The following CNTNAP5 variants were observed in gnomAD, a reference collection of about 807,000 sequenced individuals.
The protein encoded by CNTNAP5 is contactin associated protein family member 5.
CNTNAP5 carries 72 observed loss-of-function variants against 150.2 expected under a neutral mutation model. The observed-to-expected ratio is 0.48, with a 90% CI of 0.40 to 0.58. The LOEUF (loss-of-function observed/expected upper bound fraction) is 0.58, where lower values mean the gene tolerates loss of function less well. Ranked by LOEUF, CNTNAP5 falls within the 20% of genes least tolerant of loss-of-function variation. The probability of loss-of-function intolerance (pLI) is 0.00; values close to 1 mark genes in which losing one functional copy is unlikely to be tolerated. For missense variants in CNTNAP5, 1,636 were observed against 1,626.2 expected (o/e 1.01, Z -0.10); for synonymous variants, 672 against 619.8 (o/e 1.08, Z -1.25).
chr2:124,786,395 GAAA>G (rs1160327396), intron 17 of CNTNAP5, among the ~76,000 whole-genome samples: 1,481 of 78,562 alleles, frequency 0.019, 5 homozygotes, highest in Non-Finnish European at 0.025. Context: ...AAGAAAGAAA[GAAA>G]GAAGGAAGGA....
intron 1 of CNTNAP5, among the ~76,000 whole-genome samples, chr2:124,207,896 C>T (rs1217931621): frequency 1.3e-5 from 2 of 152,202 alleles, no homozygotes; most frequent in East Asian, 1.9e-4. Context: ...TTTTAAATTA[C>T]AGCACTGAAT....
chr2:124,423,956 G>A (rs1279277817), intron 4 of CNTNAP5, among the ~76,000 whole-genome samples: 1 of 151,978 alleles, frequency 6.6e-6, no homozygotes, highest in African/African-American at 2.4e-5. Flanking sequence ...GAGCCACCGC[G>A]CCCGGCCCGG....
At chr2:124,283,938 A>G (rs1358651506) in intron 3 of CNTNAP5, among the ~76,000 whole-genome samples, 1 of 152,160 alleles carries the variant, frequency 6.6e-6, no homozygotes. Flanking sequence ...ATTGTTGATT[A>G]TGTTTCAACA....
At chr2:124,095,089 C>T (rs1236510960) in intron 1 of CNTNAP5, among the ~76,000 whole-genome samples, 1 of 152,148 alleles carries the variant, frequency 6.6e-6, no homozygotes, top group Non-Finnish European at 1.5e-5. Flanking sequence ...GACTTGGAAT[C>T]AACCCAAATG....
At chr2:124,847,593 C>T (rs7561882) in intron 19 of CNTNAP5, among the ~76,000 whole-genome samples, 30,394 of 152,052 alleles carry the variant, frequency 0.2, 3,815 homozygotes, top group African/African-American at 0.35. Context: ...TCTCAGGGAC[C>T]CTGCAGTGGT....
chr2:124,205,509 C>G (rs1685840855), intron 1 of CNTNAP5, among the ~76,000 whole-genome samples: 1 of 151,764 alleles, frequency 6.6e-6, no homozygotes, highest in Non-Finnish European at 1.5e-5. Flanking sequence ...ACCTCCGCCT[C>G]CTGGGTTCAA....
chr2:124,333,600 G>A (rs185187047), intron 3 of CNTNAP5, among the ~76,000 whole-genome samples: 1,683 of 152,264 alleles, frequency 0.011, 22 homozygotes, highest in Non-Finnish European at 0.018. Context: ...TATAAGAAAA[G>A]TTTAGAAGCC....
intron 3 of CNTNAP5, among the ~76,000 whole-genome samples, chr2:124,354,244 TTTAAAAAGGTGAA>T (rs1689944666): frequency 6.6e-6 from 1 of 152,160 alleles, no homozygotes; most frequent in East Asian, 1.9e-4. Flanking sequence ...TGCGGATGTT[TTTAAAAAGGTGAA>T]TTAAAACAAA....
chr2:124,307,406 T>C (rs561593542), intron 3 of CNTNAP5, among the ~76,000 whole-genome samples: 2 of 152,198 alleles, frequency 1.3e-5, no homozygotes, highest in East Asian at 3.9e-4. Flanking sequence ...AACATACGAT[T>C]TGGGGAAGGA....
intron 13 of CNTNAP5, among the ~76,000 whole-genome samples, chr2:124,718,413 T>C (rs1679986925): frequency 6.6e-6 from 1 of 152,202 alleles, no homozygotes; most frequent in Non-Finnish European, 1.5e-5. Context: ...TTAATGTCCC[T>C]GACCTTTATT....
rs80180519 is a variant in CNTNAP5 at position 124,119,364 on chromosome 2, T to C, written c.82+93632T>C. ...GAACATTTCTTAAGAGCAGGAAGCT[T>C]TTTTTTTTTTTTAATGCCTGTTGTA... On this transcript the variant is annotated intron_variant, in intron 1 of 23. Coordinates refer to ENST00000682447, the MANE Select transcript of CNTNAP5 (RefSeq NM_001367498.1). Among the ~76,000 whole-genome samples, 11 of 8,648 alleles carry C rather than the reference T, an allele frequency of 1.3e-3. No individual in the cohort carries two copies. The Admixed American group carries it at 0.019, about 15-fold the overall frequency. The allele number at this position is 8,648 out of a possible 152,430, so 5.7% of individuals were successfully genotyped here. A position where few individuals can be genotyped will look rare whatever the true frequency, so the allele number is the denominator to read the frequency against.
intron 12 of CNTNAP5, among the ~76,000 whole-genome samples, chr2:124,611,605 A>ATG (rs1677386322): frequency 6.6e-6 from 1 of 152,202 alleles, no homozygotes. Context: ...TAATTAACAT[A>ATG]TGGACTCTTG....
rs550133278 is a variant in CNTNAP5 at position 124,218,765 on chromosome 2, T to A, written c.83-2940T>A. Among the ~76,000 whole-genome samples, 374 of 152,264 alleles carry A rather than the reference T, an allele frequency of 2.5e-3. 1 individual carries two copies. Among genetic ancestry groups the A allele is most frequent in the Non-Finnish European group, 3.8e-3 (260 of 68,010 alleles). ...CTCATGATGGAGGGGATTGCACAGGTCTGGAAGAACAAAACTTATCACTTG... is the reference window on the plus strand; with the variant it reads ...CTCATGATGGAGGGGATTGCACAGGACTGGAAGAACAAAACTTATCACTTG... On this transcript the variant is annotated intron_variant, in intron 1 of 23. Transcript: ENST00000682447.
intron 4 of CNTNAP5, among the ~76,000 whole-genome samples, chr2:124,427,623 AT>A (rs1292451671): frequency 6.6e-6 from 1 of 151,656 alleles, no homozygotes; most frequent in Non-Finnish European, 1.5e-5. Context: ...CGCCCGGCTA[AT>A]TTTTGTATTT....
Position 124,242,245 on chromosome 2 carries a change from T to TCCAGATGG in CNTNAP5, c.234_241dup (p.Asp81AlafsTer9). ...GCAGATTCCAATGCTCAACAGTGGCTCCAGATGGACCTGGGAAACAGAGTA... is the reference window on the plus strand; with the variant it reads ...GCAGATTCCAATGCTCAACAGTGGCTCCAGATGGCCAGATGGACCTGGGAAACAGAGTA... On this transcript the variant is annotated frameshift_variant, in exon 3 of 24. Transcript: ENST00000682447. LOFTEE classifies it high-confidence loss of function. The TCCAGATGG allele has an allele frequency of 6.2e-7, 1 of 1,603,058 alleles. No individual in the cohort carries two copies. Among genetic ancestry groups the TCCAGATGG allele is most frequent in the Non-Finnish European group, 8.5e-7 (1 of 1,174,204 alleles).
At chr2:124,032,620 CA>C (rs1681087186) in intron 1 of CNTNAP5, among the ~76,000 whole-genome samples, 1 of 151,952 alleles carries the variant, frequency 6.6e-6, no homozygotes, top group African/African-American at 2.4e-5. Context: ...AAGACCTAGG[CA>C]TATATGAGCT....
intron 1 of CNTNAP5, among the ~76,000 whole-genome samples, chr2:124,125,649 C>A (rs927047929): frequency 1.3e-5 from 2 of 152,138 alleles, no homozygotes; most frequent in Admixed American, 1.3e-4. Context: ...CCAAAATTGA[C>A]CACATAGTTG....
chr2:124,207,679 C>T (rs1300533232), intron 1 of CNTNAP5, among the ~76,000 whole-genome samples: 5 of 152,100 alleles, frequency 3.3e-5, no homozygotes, highest in Admixed American at 6.5e-5. Flanking sequence ...AATTGCTTTC[C>T]GGTATGTCTT....
intron 11 of CNTNAP5, among the ~76,000 whole-genome samples, chr2:124,575,426 T>G (rs894324664): frequency 3.3e-5 from 5 of 152,234 alleles, no homozygotes; most frequent in Non-Finnish European, 7.3e-5. Context: ...CCTTTCATTA[T>G]TTGGAACGCT....
Sources: allele counts gnomAD v4.1 joint callset (sites outside exome capture counted in the v4.1 genomes callset), GRCh38; gene constraint gnomAD v4.1.1; transcripts MANE v1.5; gene names NCBI Gene and HGNC (gene_info 2026-07-23, HGNC 2026-07-21).